The following MAML2 variants were observed in gnomAD, a reference collection of about 807,000 sequenced individuals.
The protein encoded by MAML2 is mastermind-like protein 2.
A neutral mutation model predicts 96.1 loss-of-function variants in MAML2; 22 were observed. That is an observed-to-expected ratio of 0.23 (90% confidence interval 0.16 to 0.33). The LOEUF is 0.33. Among genes scored for constraint, MAML2 ranks in the 10% least tolerant of loss-of-function variants. MAML2 has a pLI of 1.00. For synonymous variants in MAML2, 561 were observed against 521.3 expected (o/e 1.08, Z -1.04); for missense variants, 1,367 against 1,392.4 (o/e 0.98, Z 0.29).
At chr11:96,004,032 T>C (rs1002764592) in intron 2 of MAML2, among the ~76,000 whole-genome samples, 2 of 152,190 alleles carry the variant, frequency 1.3e-5, no homozygotes, top group Non-Finnish European at 2.9e-5. Context: ...GAGTTTATTA[T>C]ATGAGTTGAA....
chr11:96,256,152 G>A (rs1862665884), intron 1 of MAML2, among the ~76,000 whole-genome samples: 1 of 151,938 alleles, frequency 6.6e-6, no homozygotes, highest in East Asian at 1.9e-4. Flanking sequence ...GGGATTACAG[G>A]TGTGACCCAC....
At chr11:96,184,120 A>G (rs527908602) in intron 1 of MAML2, among the ~76,000 whole-genome samples, 60 of 152,356 alleles carry the variant, frequency 3.9e-4, no homozygotes, top group African/African-American at 1.4e-3. Context: ...GGGTCAGGCC[A>G]AGCAAAGCCC....
At chr11:96,244,509 T>C (rs1862486028) in intron 1 of MAML2, among the ~76,000 whole-genome samples, 1 of 152,248 alleles carries the variant, frequency 6.6e-6, no homozygotes, top group South Asian at 2.1e-4. Flanking sequence ...TTATTCATCC[T>C]TAAATTAAAA....
chr11:96,131,731 T>A (rs1185196331), intron 1 of MAML2, among the ~76,000 whole-genome samples: 3 of 152,112 alleles, frequency 2.0e-5, no homozygotes, highest in Non-Finnish European at 4.4e-5. Context: ...AAAAATTGCC[T>A]GGGTGTGGTG....
intron 1 of MAML2, among the ~76,000 whole-genome samples, chr11:96,182,003 A>C (rs977194615): frequency 1.3e-5 from 2 of 152,138 alleles, no homozygotes; most frequent in African/African-American, 4.8e-5. Flanking sequence ...TTTCATTTGC[A>C]GTAGGTATGA....
In MAML2 at chr11:96,341,406, G is replaced by C. The variant is rs2136024522; in HGVS notation, c.490C>G (p.Gln164Glu). The C allele has an allele frequency of 6.5e-7, 1 of 1,537,822 alleles. No homozygotes were observed. Among genetic ancestry groups the C allele is most frequent in the East Asian group, 2.5e-5 (1 of 40,768 alleles). The change falls in exon 1 of 5, where the codon CAG (glutamine) becomes GAG (glutamate). Residue 164 changes from glutamine (Q) to glutamate (E), a missense_variant. Physicochemically the swap from Gln to Glu is conservative, Grantham distance 29. Coordinates refer to ENST00000524717, the MANE Select transcript of MAML2 (RefSeq NM_032427.4). The stretch of plus-strand genomic sequence containing the variant: ...ACCGCAATCAGGGCTGAGTTCCTCT[G>C]GTCCCCTGGGGTTGAAGCGGGCGGC... ...QQPPASTPGD[Q>E]RNSALIALQG...
chr11:95,993,094 G>C (rs955494514), intron 2 of MAML2, among the ~76,000 whole-genome samples: 106 of 150,440 alleles, frequency 7.0e-4, no homozygotes, highest in Non-Finnish European at 1.1e-3. Flanking sequence ...ATTTTTTTTA[G>C]AGACGGGGTC....
At chr11:96,008,410 T>G (rs1237042676) in intron 2 of MAML2, among the ~76,000 whole-genome samples, 1 of 152,244 alleles carries the variant, frequency 6.6e-6, no homozygotes, top group South Asian at 2.1e-4. Context: ...TACATTGTTT[T>G]GTACTTTCCA....
chr11:96,298,073 C>T (rs1309444909), intron 1 of MAML2, among the ~76,000 whole-genome samples: 2 of 152,136 alleles, frequency 1.3e-5, no homozygotes, highest in South Asian at 2.1e-4. Flanking sequence ...CTTCATTCCC[C>T]CCAATTTCCC....
chr11:96,098,691 G>A (rs1185066820), intron 1 of MAML2, among the ~76,000 whole-genome samples: 3 of 152,136 alleles, frequency 2.0e-5, no homozygotes, highest in East Asian at 1.9e-4. Context: ...TGAGGCCTGC[G>A]GTCTCTGCTG....
chr11:96,003,076 G>A (rs1486583149), intron 2 of MAML2, among the ~76,000 whole-genome samples: 3 of 150,246 alleles, frequency 2.0e-5, no homozygotes, highest in African/African-American at 7.4e-5. Context: ...TGGGGATGAT[G>A]AGGAGGATGA....
intron 2 of MAML2, among the ~76,000 whole-genome samples, chr11:96,005,376 C>T (rs867232498): frequency 6.6e-6 from 1 of 152,176 alleles, no homozygotes; most frequent in African/African-American, 2.4e-5. Flanking sequence ...CTTACTTTCT[C>T]CAACTTTAAG....
chr11:96,085,628 A>C (rs1003892345), intron 2 of MAML2, among the ~76,000 whole-genome samples: 13 of 152,078 alleles, frequency 8.5e-5, no homozygotes, highest in Admixed American at 7.9e-4. Context: ...TTAACCCTAC[A>C]CCCCTTCTTT....
rs924011964 is a variant in MAML2, at chr11:96,231,530, G to A, written c.513+109853C>T. On this transcript the variant is annotated intron_variant, in intron 1 of 4. Coordinates refer to ENST00000524717, the MANE Select transcript of MAML2 (RefSeq NM_032427.4). ...AATGAGATGCACCCTGAGGACTTGG[G>A]AATGGCAGAAATGAGATTGTTCTAC... 3.3e-5 allele frequency among the ~76,000 whole-genome samples: 5 copies of A among 152,186 alleles called. No homozygotes were observed. The East Asian group carries it at 9.6e-4, about 29-fold the overall frequency.
At chr11:96,188,350 T>C (rs1482859597) in intron 1 of MAML2, among the ~76,000 whole-genome samples, 1 of 152,152 alleles carries the variant, frequency 6.6e-6, no homozygotes, top group Non-Finnish European at 1.5e-5. Context: ...CCAACACATC[T>C]CTCTCTACCC....
intron 2 of MAML2, among the ~76,000 whole-genome samples, chr11:96,011,340 T>G (rs1402339564): frequency 6.6e-6 from 1 of 152,176 alleles, no homozygotes; most frequent in Admixed American, 6.5e-5. Context: ...CAATGTTGAA[T>G]TAGTAAGAAA....
rs1165196091 is a variant in MAML2, at chr11:95,977,703, A to C, written c.*1245T>G. On this transcript the variant is annotated 3_prime_UTR_variant, in exon 5 of 5. Coordinates refer to ENST00000524717, the MANE Select transcript of MAML2 (RefSeq NM_032427.4). ...ATACAGTGCTCAGCCCTGAGGGACA[A>C]AACCTGGATATGAAGAGTCCATCTA... The C allele has an allele frequency of 3.2e-5, 7 of 222,216 alleles. No homozygotes were observed. The highest frequency in any genetic ancestry group is 5.4e-5 in the Non-Finnish European group (6 of 111,084). 13.8% of individuals were successfully genotyped at this position (222,216 alleles called of 1,614,324 possible). A position where few individuals can be genotyped will look rare whatever the true frequency, so the allele number is the denominator to read the frequency against.
Position 96,119,958 on chromosome 11 carries a change from A to ATTTTT in MAML2, c.514-26446_514-26442dup, listed in dbSNP as rs55920936. ...AATATATATTTGCGAGAAGATTCAG[A>ATTTTT]TTTTTTTTTTTTTTTTTGAGACGGA... On this transcript the variant is annotated intron_variant, in intron 1 of 4. Transcript: ENST00000524717. Among the ~76,000 whole-genome samples the ATTTTT allele has an allele frequency of 7.3e-3, 997 of 135,832 alleles. 38 individuals are homozygous for ATTTTT. The highest frequency in any genetic ancestry group is 0.024 in the African/African-American group (870 of 36,142). The allele number at this position is 135,832 out of a possible 152,430, so 89.1% of individuals were successfully genotyped here. A position where few individuals can be genotyped will look rare whatever the true frequency, so the allele number is the denominator to read the frequency against.
At chr11:96,321,605 G>T (rs2136011341) in intron 1 of MAML2, among the ~76,000 whole-genome samples, 1 of 152,318 alleles carries the variant, frequency 6.6e-6, no homozygotes, top group Admixed American at 6.5e-5. Flanking sequence ...AATGGGACTA[G>T]TAGAGTCTAC....
Sources: allele counts gnomAD v4.1 joint callset (sites outside exome capture counted in the v4.1 genomes callset), GRCh38; gene constraint gnomAD v4.1.1; transcripts MANE v1.5; gene names NCBI Gene and HGNC (gene_info 2026-07-23, HGNC 2026-07-21).